Variants in RALB observed in about 807,000 individuals in gnomAD.
The protein encoded by RALB is RAS like proto-oncogene B.
In RALB, 16 loss-of-function variants were observed where a neutral mutation model predicts 21.3. That is an observed-to-expected ratio of 0.75 (90% CI 0.51 to 1.14). The LOEUF (loss-of-function observed/expected upper bound fraction) is 1.14, where lower values mean the gene tolerates loss of function less well. RALB is among the 50% of genes most tolerant of loss of function. The pLI is 0.00. For synonymous variants in RALB, 93 were observed against 96.1 expected (o/e 0.97, Z 0.19); for missense variants, 161 against 256.2 (o/e 0.63, Z 2.54).
At chr2:120,293,007 A>G in intron 4 of RALB, 134 bp from the exon 5 acceptor site, 1 of 913,446 alleles carries the variant, frequency 1.1e-6, no homozygotes, top group South Asian at 2.2e-5. Context: ...AAATGTAACT[A>G]CATATCCTGC....
At chr2:120,243,654 C>G (rs1390493786) in intron 1 of RALB, among the ~76,000 whole-genome samples, 3 of 152,122 alleles carry the variant, frequency 2.0e-5, no homozygotes, top group African/African-American at 7.2e-5. Flanking sequence ...GGTGTGGGCC[C>G]CTGAGATTTG....
chr2:120,254,193 G>C (rs1689135925), intron 1 of RALB, among the ~76,000 whole-genome samples: 1 of 152,174 alleles, frequency 6.6e-6, no homozygotes. Context: ...TGTGGAGCAC[G>C]ATCTTTCCCC....
At chr2:120,248,733 A>G (rs182216894), upstream of RALB, among the ~76,000 whole-genome samples, 9 of 152,166 alleles carry the variant, frequency 5.9e-5, no homozygotes, top group East Asian at 1.7e-3. Flanking sequence ...GCTCATTGCA[A>G]CCTCTGCCTC....
At chr2:120,269,923 T>C (rs1473936468) in intron 1 of RALB, among the ~76,000 whole-genome samples, 5 of 152,238 alleles carry the variant, frequency 3.3e-5, no homozygotes, top group Non-Finnish European at 7.3e-5. Flanking sequence ...ATAATATCAG[T>C]AGTATTCATT....
chr2:120,274,795 T>G (rs1367508136), intron 1 of RALB, among the ~76,000 whole-genome samples: 1 of 152,226 alleles, frequency 6.6e-6, no homozygotes, highest in African/African-American at 2.4e-5. Flanking sequence ...TTCAATGATG[T>G]CATTTTTTTC....
At chr2:120,241,658 G>C (rs7558117) in intron 1 of RALB, among the ~76,000 whole-genome samples, 30,679 of 152,068 alleles carry the variant, frequency 0.2, 3,985 homozygotes, top group East Asian at 0.42. Context: ...CCCAGGAAGT[G>C]GAGGTTGCAG....
At chr2:120,254,256 T>G (rs185953589) in intron 1 of RALB, among the ~76,000 whole-genome samples, 1 of 152,198 alleles carries the variant, frequency 6.6e-6, no homozygotes, top group Admixed American at 6.5e-5. Flanking sequence ...TTATCCTAAT[T>G]GTTAGGATTA....
chr2:120,274,780 G>T (rs1383724405), intron 1 of RALB, among the ~76,000 whole-genome samples: 1 of 151,946 alleles, frequency 6.6e-6, no homozygotes, highest in Non-Finnish European at 1.5e-5. Flanking sequence ...AACTCCATCA[G>T]GTCTTTCAAT....
At chr2:120,289,460 A>C (rs1690253766) in intron 3 of RALB, 120 bp from the exon 4 acceptor site, 7 of 1,044,938 alleles carry the variant, frequency 6.7e-6, no homozygotes, top group Non-Finnish European at 1.0e-5. Flanking sequence ...CATGCCCTAA[A>C]TCTAGTGATT....
chr2:120,242,999 A>G (rs1054346982), intron 1 of RALB, among the ~76,000 whole-genome samples: 1 of 152,180 alleles, frequency 6.6e-6, no homozygotes, highest in Non-Finnish European at 1.5e-5. Flanking sequence ...TGCCCTTGGC[A>G]TTGTATTATG....
intron 3 of RALB, among the ~76,000 whole-genome samples, chr2:120,287,042 G>A (rs1690182237): frequency 6.6e-6 from 1 of 152,150 alleles, no homozygotes; most frequent in Admixed American, 6.5e-5. Flanking sequence ...CTATCTAGAT[G>A]ACTTTTTAAG....
intron 1 of RALB, 91 bp downstream of exon 1, chr2:120,253,071 C>T: frequency 1.2e-6 from 1 of 852,722 alleles, no homozygotes; most frequent in Non-Finnish European, 1.4e-6. Flanking sequence ...TTGCTCCCTC[C>T]GTGCCGGGCT....
chr2:120,279,307 C>G (rs1034058226), intron 2 of RALB, among the ~76,000 whole-genome samples: 2 of 152,098 alleles, frequency 1.3e-5, no homozygotes, highest in African/African-American at 4.8e-5. Context: ...TTCAGTGTGA[C>G]AACACAGCCT....
At chr2:120,258,178 G>A (rs1009009645) in intron 1 of RALB, among the ~76,000 whole-genome samples, 2 of 150,704 alleles carry the variant, frequency 1.3e-5, no homozygotes, top group Non-Finnish European at 2.9e-5. Flanking sequence ...AGTGCTTTCA[G>A]TCAAAGGTCC....
intron 1 of RALB, among the ~76,000 whole-genome samples, chr2:120,275,932 G>C (rs1490561503): frequency 1.3e-5 from 2 of 152,126 alleles, no homozygotes; most frequent in African/African-American, 2.4e-5. Context: ...TGAAATGCAG[G>C]GGTTTTTACA....
intron 1 of RALB, among the ~76,000 whole-genome samples, chr2:120,240,797 C>G (rs17050047): frequency 0.058 from 8,782 of 152,200 alleles, 865 homozygotes; most frequent in African/African-American, 0.2. Context: ...CCTGCATGTG[C>G]TGCTGAGTCA....
intron 1 of RALB, among the ~76,000 whole-genome samples, chr2:120,242,305 T>C (rs960016862): frequency 2.6e-5 from 4 of 152,180 alleles, no homozygotes; most frequent in Non-Finnish European, 5.9e-5. Context: ...TTTAGACTTC[T>C]AGGGATGGAT....
Position 120,259,927 on chromosome 2 carries a change from C to T in RALB, c.-48+6947C>T, listed in dbSNP as rs571470722. Among the ~76,000 whole-genome samples, 11 of 152,344 alleles carry T rather than the reference C, an allele frequency of 7.2e-5. No individual in the cohort carries two copies. In the South Asian group the frequency reaches 1.0e-3, roughly 14 times the overall value. The stretch of plus-strand genomic sequence containing the variant: ...AGGCAGCCAAGGCCCGGCGAGAAAT[C>T]GAGCGCAGTGCCGGTGGGCCAGCAC... On this transcript the variant is annotated intron_variant, in intron 1 of 4. Coordinates refer to ENST00000272519, the MANE Select transcript of RALB (RefSeq NM_002881.3).
At chr2:120,287,992 G>A (rs1393779898) in intron 3 of RALB, among the ~76,000 whole-genome samples, 2 of 152,190 alleles carry the variant, frequency 1.3e-5, no homozygotes. Context: ...AAAATGACAT[G>A]TGAATATGCT....
Sources: gnomAD v4.1 joint callset for allele counts (sites outside exome capture counted in the v4.1 genomes callset) on GRCh38, gnomAD v4.1.1 for gene constraint, MANE v1.5 for transcripts, NCBI Gene and HGNC (gene_info 2026-07-23, HGNC 2026-07-21) for gene names.